Variants in CAPS2 observed in about 807,000 individuals in gnomAD.
CAPS2 encodes the protein calcyphosin-2.
A neutral mutation model predicts 86.5 loss-of-function variants in CAPS2; 98 were observed. That is an observed-to-expected ratio of 1.13 (90% CI 0.96 to 1.34). The LOEUF is 1.34. Among genes scored for constraint, CAPS2 ranks in the 40% most tolerant of loss-of-function variants. CAPS2 has a pLI of 0.00. For missense variants in CAPS2, 729 were observed against 686.8 expected (o/e 1.06, Z -0.69); for synonymous variants, 210 against 225.1 (o/e 0.93, Z 0.60).
intron 3 of CAPS2, 43 bp downstream of exon 4, chr12:75,323,134 T>C (rs2040454455): frequency 6.7e-7 from 1 of 1,488,436 alleles, no homozygotes; most frequent in Non-Finnish European, 9.2e-7. Flanking sequence ...TGTGTAATAT[T>C]GTGTTTTAAT....
chr12:75,388,604 T>TA (rs879806801), intron 1 of CAPS2, among the ~76,000 whole-genome samples: 41 of 150,644 alleles, frequency 2.7e-4, no homozygotes, highest in Non-Finnish European at 4.4e-4. Context: ...ATGAAGACAG[T>TA]AAAAAAAAAT....
At chr12:75,325,264 T>C (rs781293004) in exon 2 of CAPS2, 1 of 1,549,442 alleles carries the variant, frequency 6.5e-7, no homozygotes, top group African/African-American at 1.4e-5. Context: ...TTCTGGTTTG[T>C]CCATGACTCA....
rs77364047 is a variant in CAPS2 at position 75,369,079 on chromosome 12, T to C, written c.-395+21759A>G. ...CTTGGTTGGCTTCTTATTTGAGAGA[T>C]ACGCAATATAGCATAACAGTTATAT... is the stretch of plus-strand genomic sequence containing the variant. On this transcript the variant is annotated intron_variant, in intron 1 of 5. Transcript: ENST00000551829. 1.8e-3 allele frequency among the ~76,000 whole-genome samples: 268 copies of C among 152,070 alleles called. 4 individuals are homozygous for C. The East Asian group carries it at 0.046, about 26-fold the overall frequency.
chr12:75,293,866 A>G (rs1199622091), intron 11 of CAPS2, among the ~76,000 whole-genome samples: 1 of 152,240 alleles, frequency 6.6e-6, no homozygotes, highest in Non-Finnish European at 1.5e-5. Context: ...CTAAACTTAT[A>G]AAATGATTAT....
At chr12:75,375,800 A>C (rs958068081) in intron 1 of CAPS2, among the ~76,000 whole-genome samples, 1 of 152,192 alleles carries the variant, frequency 6.6e-6, no homozygotes, top group Non-Finnish European at 1.5e-5. Flanking sequence ...CATTATGGTA[A>C]TTATGCCCAC....
At chr12:75,381,702 C>G (rs891274387) in intron 1 of CAPS2, among the ~76,000 whole-genome samples, 1 of 150,656 alleles carries the variant, frequency 6.6e-6, no homozygotes, top group African/African-American at 2.4e-5. Flanking sequence ...GCAACCTCCG[C>G]CTCCCAGGTT....
chr12:75,390,432 C>T (rs2045527298), intron 1 of CAPS2: 2 of 453,232 alleles, frequency 4.4e-6, no homozygotes, highest in Non-Finnish European at 8.9e-6. Context: ...GTTTGGTGAT[C>T]CCTACTCTCC....
intron 7 of CAPS2, among the ~76,000 whole-genome samples, chr12:75,309,197 G>A (rs991033880): frequency 6.6e-6 from 1 of 152,108 alleles, no homozygotes; most frequent in Non-Finnish European, 1.5e-5. Context: ...TCCTTGGGAA[G>A]AGAAGAAAAC....
intron 1 of CAPS2, among the ~76,000 whole-genome samples, chr12:75,386,028 A>G (rs367623025): frequency 6.6e-6 from 1 of 152,324 alleles, no homozygotes; most frequent in East Asian, 1.9e-4. Flanking sequence ...TTGTTCATAA[A>G]TATTCCTTGT....
At chr12:75,350,207 C>A (rs1443987140) in intron 1 of CAPS2, among the ~76,000 whole-genome samples, 1 of 152,214 alleles carries the variant, frequency 6.6e-6, no homozygotes, top group Non-Finnish European at 1.5e-5. Context: ...TTCAGCACCC[C>A]CAGCCAGGGG....
chr12:75,347,646 G>A, intron 1 of CAPS2: 1 of 1,608,200 alleles, frequency 6.2e-7, no homozygotes, highest in Non-Finnish European at 8.5e-7. Flanking sequence ...TTCATTTTAT[G>A]TCGGTTGTGC....
chr12:75,334,476 G>C, upstream of CAPS2: 1 of 1,301,716 alleles, frequency 7.7e-7, no homozygotes, highest in Non-Finnish European at 9.7e-7. Context: ...CAGTTTGGAT[G>C]GTTGAAATTC....
chr12:75,322,793 A>G, intron 4 of CAPS2: 1 of 523,162 alleles, frequency 1.9e-6, no homozygotes, highest in South Asian at 2.7e-5. Flanking sequence ...AATTTCATTT[A>G]AAAATTTTAA....
chr12:75,347,443 T>C (rs1467122276), intron 1 of CAPS2, among the ~76,000 whole-genome samples: 2 of 152,050 alleles, frequency 1.3e-5, no homozygotes, highest in Non-Finnish European at 2.9e-5. Context: ...TCTCATAAAA[T>C]CAGCCATGAC....
At chr12:75,357,537 C>T (rs935264504) in intron 1 of CAPS2, among the ~76,000 whole-genome samples, 1 of 151,780 alleles carries the variant, frequency 6.6e-6, no homozygotes, top group Non-Finnish European at 1.5e-5. Context: ...ACTATACCAC[C>T]CCAAAACAGA....
chr12:75,299,286 C>A (rs769147167), intron 9 of CAPS2, among the ~76,000 whole-genome samples: 11 of 151,954 alleles, frequency 7.2e-5, no homozygotes, highest in Non-Finnish European at 1.2e-4. Context: ...AAGAAGGCAC[C>A]CATAGATACA....
intron 8 of CAPS2, among the ~76,000 whole-genome samples, chr12:75,300,241 T>C (rs543068734): frequency 2.0e-5 from 3 of 152,076 alleles, no homozygotes; most frequent in Non-Finnish European, 4.4e-5. Flanking sequence ...CTCTTCTTCT[T>C]TGCTTCCCTC....
At chr12:75,341,898 C>T (rs1331417333) in intron 1 of CAPS2, among the ~76,000 whole-genome samples, 2 of 151,848 alleles carry the variant, frequency 1.3e-5, no homozygotes, top group Admixed American at 1.3e-4. Flanking sequence ...ACAAGCACCG[C>T]CCCCACACCT....
At chr12:75,276,228 G>A (rs554617536), downstream of CAPS2, 80 of 1,540,858 alleles carry the variant, frequency 5.2e-5, no homozygotes, top group East Asian at 1.8e-3. Context: ...GCATTTTCAT[G>A]TTTGTCCTTG....
Sources: allele counts gnomAD v4.1 joint callset (sites outside exome capture counted in the v4.1 genomes callset), GRCh38; gene constraint gnomAD v4.1.1; transcripts MANE v1.5; gene names NCBI Gene and HGNC (gene_info 2026-07-23, HGNC 2026-07-21).